DMD: variants seen among roughly 807,000 people sequenced by gnomAD.
DMD encodes mutant dystrophin.
Under a neutral mutation model 330.1 loss-of-function variants are expected in DMD, and 63 were observed. The ratio of observed to expected loss-of-function variants is 0.19; its 90% CI spans 0.16 to 0.24. The LOEUF (loss-of-function observed/expected upper bound fraction) is 0.24, where lower values mean the gene tolerates loss of function less well. Ranked by LOEUF, DMD falls within the 10% of genes least tolerant of loss-of-function variation. DMD has a pLI of 1.00. For missense variants in DMD, 3,344 were observed against 2,684.1 expected, an observed-to-expected ratio of 1.25 and a Z score of -5.43; for synonymous variants, 1,223 against 959.8, an observed-to-expected ratio of 1.27 and a Z score of -5.07.
At chrX:32,620,278 C>T (rs2057893161) in intron 11 of DMD, among the ~76,000 whole-genome samples, 1 of 111,852 alleles carries the variant, frequency 8.9e-6, no homozygotes, top group Non-Finnish European at 1.9e-5. Flanking sequence ...TTACATACCA[C>T]TCACACTCTT....
chrX:31,273,712 C>T (rs1377064393), intron 62 of DMD, among the ~76,000 whole-genome samples: 1 of 110,744 alleles, frequency 9.0e-6, no homozygotes, highest in Non-Finnish European at 1.9e-5. Flanking sequence ...ACAAGAATCA[C>T]GCTTTATCAA....
At chrX:32,802,542 T>C (rs189671844) in intron 7 of DMD, among the ~76,000 whole-genome samples, 7 of 111,982 alleles carry the variant, frequency 6.3e-5, no homozygotes, top group African/African-American at 9.7e-5. Flanking sequence ...GAGGGAATTT[T>C]TGTCTTGTGC....
At chrX:33,110,340 C>G (rs1326576702) in intron 1 of DMD, among the ~76,000 whole-genome samples, 2 of 111,376 alleles carry the variant, frequency 1.8e-5, no homozygotes, top group African/African-American at 6.5e-5. Context: ...ACTTCCCAGA[C>G]TGTTTTCAAA....
At position 31,400,447 on chromosome X, in the gene DMD, C is replaced by T. The variant is rs184789720; in HGVS notation, c.9084+44034G>A. The stretch of plus-strand genomic sequence containing the variant: ...ATAAAACCAAGCTGTGCCCCAAACA[C>T]CTTGGGCACATGTCGTTAGAACCTC... On this transcript the variant is annotated intron_variant, in intron 60 of 78. Coordinates refer to ENST00000357033, the MANE Select transcript of DMD (RefSeq NM_004006.3). 2.0e-3 allele frequency among the ~76,000 whole-genome samples: 219 copies of T among 111,480 alleles called. 2 individuals are homozygous for T. Among genetic ancestry groups the T allele is most frequent in the African/African-American group, 6.2e-3 (190 of 30,681 alleles).
At chrX:33,152,336 AT>A (rs995721643) in intron 1 of DMD, among the ~76,000 whole-genome samples, 1 of 107,122 alleles carries the variant, frequency 9.3e-6, no homozygotes, top group African/African-American at 3.4e-5. Flanking sequence ...AGACTGGCTA[AT>A]TTTTTTTTGT....
At chrX:31,722,658 T>C (rs1186287663) in intron 52 of DMD, among the ~76,000 whole-genome samples, 4 of 111,396 alleles carry the variant, frequency 3.6e-5, no homozygotes, top group Non-Finnish European at 7.5e-5. Context: ...CTATACTTTA[T>C]TCATGGTATC....
chrX:31,930,755 T>C (rs1223845819), intron 46 of DMD, among the ~76,000 whole-genome samples: 1 of 112,016 alleles, frequency 8.9e-6, no homozygotes, highest in East Asian at 2.8e-4. Flanking sequence ...CTCATGCATA[T>C]TAATTAATAA....
chrX:31,726,326 C>G (rs1299572041), intron 52 of DMD, among the ~76,000 whole-genome samples: 3 of 112,143 alleles, frequency 2.7e-5, no homozygotes, highest in African/African-American at 9.7e-5. Flanking sequence ...TCTTGATAGA[C>G]TGCAATAACT....
intron 6 of DMD, among the ~76,000 whole-genome samples, chrX:32,813,958 C>T (rs894720529): frequency 9.0e-6 from 1 of 111,443 alleles, no homozygotes; most frequent in African/African-American, 3.3e-5. Flanking sequence ...GGAGTAAATA[C>T]CTATACTGTT....
At chrX:32,394,045 A>C (rs984245643) in intron 30 of DMD, among the ~76,000 whole-genome samples, 1 of 112,055 alleles carries the variant, frequency 8.9e-6, no homozygotes, top group African/African-American at 3.2e-5. Flanking sequence ...GTCTCCACAC[A>C]TAATAAAATT....
At chrX:33,017,678 T>C (rs1024143865) in intron 2 of DMD, among the ~76,000 whole-genome samples, 6 of 111,524 alleles carry the variant, frequency 5.4e-5, no homozygotes, top group East Asian at 2.8e-4. Context: ...CATTCCTGCC[T>C]TTGATGGGCT....
intron 1 of DMD, among the ~76,000 whole-genome samples, chrX:33,125,407 AT>A (rs2148509521): frequency 8.9e-6 from 1 of 111,904 alleles, no homozygotes; most frequent in African/African-American, 3.2e-5. Context: ...CATGGAGAAA[AT>A]AATTGTAATA....
chrX:31,214,460 T>G (rs2045113302), intron 64 of DMD, among the ~76,000 whole-genome samples: 1 of 112,253 alleles, frequency 8.9e-6, no homozygotes, highest in Non-Finnish European at 1.9e-5. Flanking sequence ...GAAAATATCT[T>G]AAGTCACAAA....
intron 7 of DMD, among the ~76,000 whole-genome samples, chrX:32,793,880 C>T (rs988581407): frequency 9.0e-6 from 1 of 111,249 alleles, no homozygotes; most frequent in African/African-American, 3.3e-5. Context: ...AGGAATTCCC[C>T]CTATCTCATT....
chrX:31,886,890 G>A (rs767595510), intron 47 of DMD, among the ~76,000 whole-genome samples: 1 of 111,666 alleles, frequency 9.0e-6, no homozygotes, highest in Admixed American at 9.5e-5. Context: ...TTTAAATATA[G>A]GTACACATGT....
intron 67 of DMD, among the ~76,000 whole-genome samples, chrX:31,184,919 A>T (rs1464612135): frequency 3.5e-5 from 3 of 86,598 alleles, no homozygotes; most frequent in African/African-American, 1.4e-4. Flanking sequence ...AACAATGAGA[A>T]CACATGGACA....
intron 29 of DMD, among the ~76,000 whole-genome samples, chrX:32,435,798 C>G (rs897762320): frequency 1.3e-4 from 15 of 111,276 alleles, no homozygotes; most frequent in African/African-American, 4.9e-4. Context: ...ACCCAGAAGA[C>G]TTTCAGCAAC....
intron 7 of DMD, among the ~76,000 whole-genome samples, chrX:32,754,013 T>C (rs1476176271): frequency 5.4e-5 from 6 of 111,058 alleles, no homozygotes; most frequent in Non-Finnish European, 7.5e-5. Context: ...CCACCCAGAT[T>C]TGTGCCATCT....
chrX:33,269,700 T>C (rs1045477274), intron 1 of DMD, among the ~76,000 whole-genome samples: 5 of 111,524 alleles, frequency 4.5e-5, no homozygotes, highest in Non-Finnish European at 7.5e-5. Flanking sequence ...GGTGATATAA[T>C]ACAATGTGGT....
Sources: allele counts gnomAD v4.1 joint callset (sites outside exome capture counted in the v4.1 genomes callset), GRCh38; gene constraint gnomAD v4.1.1; transcripts MANE v1.5; gene names NCBI Gene and HGNC (gene_info 2026-07-23, HGNC 2026-07-21).